The following PALM2AKAP2 variants were observed in gnomAD, a reference collection of about 807,000 sequenced individuals.
PALM2AKAP2 encodes PALM2 and AKAP2 fusion.
In PALM2AKAP2, 37 loss-of-function variants were observed where a neutral mutation model predicts 71.5. The observed-to-expected ratio is 0.52, with a 90% CI of 0.40 to 0.68. The LOEUF is 0.68. Ranked by LOEUF, PALM2AKAP2 falls within the 30% of genes least tolerant of loss-of-function variation. PALM2AKAP2 has a pLI of 0.00. For missense variants in PALM2AKAP2, 1,224 were observed against 1,191.8 expected, an observed-to-expected ratio of 1.03 and a Z score of -0.40; for synonymous variants, 468 against 478.8, an observed-to-expected ratio of 0.98 and a Z score of 0.29.
intron 1 of PALM2AKAP2, among the ~76,000 whole-genome samples, chr9:110,074,145 C>A (rs925014685): frequency 3.9e-5 from 6 of 152,120 alleles, no homozygotes; most frequent in African/African-American, 1.2e-4. Context: ...TATCAGGTAA[C>A]CTCAAATTGC....
At chr9:109,835,878 C>T (rs1008586628) in intron 1 of PALM2AKAP2, among the ~76,000 whole-genome samples, 6 of 152,128 alleles carry the variant, frequency 3.9e-5, no homozygotes, top group South Asian at 2.1e-4. Context: ...ACAAAGTGGC[C>T]GGGAAGCTCG....
At chr9:109,824,661 GTTGGTTT>G (rs1828096336) in intron 1 of PALM2AKAP2, among the ~76,000 whole-genome samples, 1 of 152,032 alleles carries the variant, frequency 6.6e-6, no homozygotes, top group Non-Finnish European at 1.5e-5. Context: ...TCAATCTCTG[GTTGGTTT>G]TTAGAACTAC....
intron 2 of PALM2AKAP2, among the ~76,000 whole-genome samples, chr9:109,874,231 A>G (rs1829669175): frequency 6.6e-6 from 1 of 152,228 alleles, no homozygotes; most frequent in African/African-American, 2.4e-5. Context: ...GAGAGCATCA[A>G]TATGGAACCC....
chr9:109,919,865 C>A (rs1225165809), intron 3 of PALM2AKAP2, among the ~76,000 whole-genome samples: 2 of 151,988 alleles, frequency 1.3e-5, no homozygotes, highest in Non-Finnish European at 1.5e-5. Context: ...GTGGCTTAAA[C>A]CCAAAGTCAT....
intron 1 of PALM2AKAP2, among the ~76,000 whole-genome samples, chr9:109,774,374 G>GA (rs1829319728): frequency 1.3e-5 from 2 of 152,110 alleles, no homozygotes; most frequent in African/African-American, 2.4e-5. Flanking sequence ...TCAATATGTA[G>GA]GCATGTAGCT....
At chr9:109,994,211 TA>T (rs1468153561) in intron 6 of PALM2AKAP2, among the ~76,000 whole-genome samples, 1 of 152,226 alleles carries the variant, frequency 6.6e-6, no homozygotes, top group Non-Finnish European at 1.5e-5. Context: ...GTGAGTGCTT[TA>T]AAAATTTGCA....
At chr9:109,824,417 A>G (rs1828089917) in intron 1 of PALM2AKAP2, among the ~76,000 whole-genome samples, 1 of 152,132 alleles carries the variant, frequency 6.6e-6, no homozygotes. Flanking sequence ...GTGATGTCTG[A>G]TCACCACTGC....
At chr9:110,112,013 C>G (rs759477710) in intron 1 of PALM2AKAP2, among the ~76,000 whole-genome samples, 4 of 152,054 alleles carry the variant, frequency 2.6e-5, no homozygotes, top group African/African-American at 4.8e-5. Context: ...TGTAGGATCC[C>G]TGCTGTTGTG....
chr9:109,784,262 G>A (rs764914341), intron 1 of PALM2AKAP2, among the ~76,000 whole-genome samples: 1 of 152,152 alleles, frequency 6.6e-6, no homozygotes, highest in Admixed American at 6.5e-5. Flanking sequence ...TAGTCTAATG[G>A]AAGAAATAGA....
Position 109,931,798 on chromosome 9 carries a change from C to T in PALM2AKAP2, c.395-129C>T, listed in dbSNP as rs923018426. On this transcript the variant is annotated intron_variant, in intron 5 of 9. Transcript: ENST00000302798. Reference sequence around the variant, plus strand: ...TGGGCAAATGCTTGTCTTTGTTTACCCTGATCCTCCTGTTCAGTGGCCGCC... The same window carrying T: ...TGGGCAAATGCTTGTCTTTGTTTACTCTGATCCTCCTGTTCAGTGGCCGCC... 15 of 1,004,430 alleles carry T rather than the reference C, an allele frequency of 1.5e-5. No homozygotes were observed. In the Admixed American group the frequency reaches 2.9e-4, roughly 19 times the overall value. The allele number at this position is 1,004,430 out of a possible 1,614,324, so 62.2% of individuals were successfully genotyped here.
At chr9:109,779,398 A>G (rs1217871023), upstream of PALM2AKAP2, among the ~76,000 whole-genome samples, 1 of 152,220 alleles carries the variant, frequency 6.6e-6, no homozygotes, top group Non-Finnish European at 1.5e-5. Flanking sequence ...CAATGAACAG[A>G]AGACCCTGAA....
At chr9:109,989,954 T>C (rs1832444973) in intron 6 of PALM2AKAP2, among the ~76,000 whole-genome samples, 1 of 152,194 alleles carries the variant, frequency 6.6e-6, no homozygotes, top group Non-Finnish European at 1.5e-5. Flanking sequence ...GGGGAAAACA[T>C]AGTTACTTCC....
chr9:109,776,173 T>C (rs1330187086), upstream of PALM2AKAP2, among the ~76,000 whole-genome samples: 1 of 152,226 alleles, frequency 6.6e-6, no homozygotes, highest in Non-Finnish European at 1.5e-5. Flanking sequence ...TACAATATGT[T>C]TATTAAATAA....
At chr9:110,133,720 C>T (rs1460297578) in intron 1 of PALM2AKAP2, among the ~76,000 whole-genome samples, 2 of 152,010 alleles carry the variant, frequency 1.3e-5, no homozygotes, top group Non-Finnish European at 2.9e-5. Context: ...TGTTCCCATG[C>T]AGAATATTAG....
chr9:110,110,588 C>T (rs1432941020), intron 1 of PALM2AKAP2, among the ~76,000 whole-genome samples: 1 of 135,036 alleles, frequency 7.4e-6, no homozygotes, highest in Non-Finnish European at 1.5e-5. Flanking sequence ...TCACTATCAT[C>T]CAACCTGGAG....
chr9:109,837,771 A>G (rs1273109404), intron 1 of PALM2AKAP2, among the ~76,000 whole-genome samples: 1 of 152,204 alleles, frequency 6.6e-6, no homozygotes, highest in Non-Finnish European at 1.5e-5. Context: ...AAAAATCAAA[A>G]GAGACAAAGA....
intron 1 of PALM2AKAP2, among the ~76,000 whole-genome samples, chr9:109,691,760 C>T (rs1411181859): frequency 6.8e-6 from 1 of 147,234 alleles, no homozygotes; most frequent in Non-Finnish European, 1.5e-5. Context: ...TATTCAAATA[C>T]TGCCCATAGC....
intron 1 of PALM2AKAP2, among the ~76,000 whole-genome samples, chr9:109,818,278 A>G (rs769362266): frequency 7.9e-5 from 12 of 152,150 alleles, no homozygotes; most frequent in Non-Finnish European, 1.6e-4. Context: ...TAATCTTTTA[A>G]TGGTGAAAAA....
At chr9:110,095,033 C>CGTAT (rs1177868350) in intron 1 of PALM2AKAP2, among the ~76,000 whole-genome samples, 4 of 152,182 alleles carry the variant, frequency 2.6e-5, no homozygotes, top group Non-Finnish European at 5.9e-5. Flanking sequence ...TTCCCCCTAC[C>CGTAT]GTATGTGTAG....
Sources: allele counts gnomAD v4.1 joint callset (sites outside exome capture counted in the v4.1 genomes callset), GRCh38; gene constraint gnomAD v4.1.1; transcripts MANE v1.5; gene names NCBI Gene and HGNC (gene_info 2026-07-23, HGNC 2026-07-21).